The following CBL variants were observed in gnomAD, a reference collection of about 807,000 sequenced individuals.
CBL encodes Cbl proto-oncogene.
In CBL, 45 loss-of-function variants were observed where a neutral mutation model predicts 96.9. The observed-to-expected ratio is 0.46, with a 90% CI of 0.37 to 0.60. The LOEUF (loss-of-function observed/expected upper bound fraction) is 0.60. CBL is among the 20% of genes least tolerant of loss of function. The probability of loss-of-function intolerance (pLI) is 0.00; values close to 1 mark genes in which losing one functional copy is unlikely to be tolerated. For synonymous variants in CBL, 420 were observed against 426.8 expected (o/e 0.98, Z 0.20); for missense variants, 1,024 against 1,143.5 (o/e 0.90, Z 1.51).
chr11:119,266,287 G>A (rs769094562), intron 2 of CBL, among the ~76,000 whole-genome samples: 1 of 152,014 alleles, frequency 6.6e-6, no homozygotes, highest in Non-Finnish European at 1.5e-5. Context: ...ATTCTATATA[G>A]TAGTGACTGT....
intron 2 of CBL, among the ~76,000 whole-genome samples, chr11:119,263,496 A>C (rs1208022955): frequency 6.6e-6 from 1 of 152,214 alleles, no homozygotes; most frequent in African/African-American, 2.4e-5. Flanking sequence ...CTGGATGATT[A>C]GTAGGAATCT....
chr11:119,300,341 A>AGT lies in CBL; in HGVS notation c.*560_*561insGT. ...TCAACACTCCCCTTTGGCTTATATT[A>AGT]CCATGTGCATAGCTAAAGTCTTCTA... On this transcript the variant is annotated 3_prime_UTR_variant, in exon 16 of 16. Coordinates refer to ENST00000264033, the MANE Select transcript of CBL (RefSeq NM_005188.4). 2.4e-6 allele frequency: 1 copy of AGT among 409,884 alleles called. No individual in the cohort carries two copies. The highest frequency in any genetic ancestry group is 4.3e-6 in the Non-Finnish European group (1 of 232,216). 25.4% of individuals were successfully genotyped at this position (409,884 alleles called of 1,614,324 possible).
At chr11:119,237,391 C>T (rs919041028) in intron 2 of CBL, among the ~76,000 whole-genome samples, 2 of 152,130 alleles carry the variant, frequency 1.3e-5, no homozygotes, top group African/African-American at 4.8e-5. Flanking sequence ...AACAGTATGC[C>T]TTGAATCACA....
intron 12 of CBL, among the ~76,000 whole-genome samples, chr11:119,293,137 C>T (rs1591267965): frequency 6.6e-6 from 1 of 151,506 alleles, no homozygotes; most frequent in Non-Finnish European, 1.5e-5. Context: ...CAGAGTCTCA[C>T]TCTGTCGCCC....
At position 119,277,819 on chromosome 11, in the gene CBL, C is replaced by G; in HGVS notation, c.1070C>G (p.Pro357Arg). 1 of 1,613,582 alleles carries G rather than the reference C, an allele frequency of 6.2e-7. No individual in the cohort carries two copies. The highest frequency in any genetic ancestry group is 8.5e-7 in the Non-Finnish European group (1 of 1,179,548). ...CTGACTGGCTTATGTGAACCAACTC[C>G]CCAAGACCATATCAAAGTGACCCAG... ...PDLTGLCEPT[P>R]QDHIKVTQEQ... is the part of the protein sequence containing the mutation. The change falls in exon 7 of 16, where the codon CCC becomes CGC. Residue 357 changes from proline to arginine, a missense_variant. By Grantham distance (103) the Pro-to-Arg change is moderately radical. This residue lies in a region of CBL where 695 missense variants were observed against 661.6 expected (regional missense o/e 1.05). Transcript: ENST00000264033.
At chr11:119,260,362 G>T (rs1369508606) in intron 2 of CBL, among the ~76,000 whole-genome samples, 1 of 151,566 alleles carries the variant, frequency 6.6e-6, no homozygotes, top group African/African-American at 2.4e-5. Context: ...TCCTGCCTCA[G>T]CCTCCCGAGT....
At chr11:119,219,525 G>A (rs1949391236) in intron 1 of CBL, among the ~76,000 whole-genome samples, 1 of 152,090 alleles carries the variant, frequency 6.6e-6, no homozygotes, top group African/African-American at 2.4e-5. Flanking sequence ...TCTGATTGGT[G>A]CAATTGGGTT....
intron 1 of CBL, among the ~76,000 whole-genome samples, chr11:119,209,424 CT>C (rs1949299686): frequency 2.0e-5 from 3 of 152,170 alleles, no homozygotes; most frequent in Non-Finnish European, 4.4e-5. Flanking sequence ...TCCAGACCAG[CT>C]CTGCCAACAT....
chr11:119,251,769 A>G (rs957392695), intron 2 of CBL, among the ~76,000 whole-genome samples: 2 of 152,330 alleles, frequency 1.3e-5, no homozygotes, highest in Admixed American at 1.3e-4. Flanking sequence ...ACGGTATTAT[A>G]GAGAAGTAGG....
chr11:119,270,436 ATTTTTTTTTT>A (rs869150071), intron 2 of CBL, among the ~76,000 whole-genome samples: 86 of 38,650 alleles, frequency 2.2e-3, no homozygotes, highest in South Asian at 0.013. Context: ...ATATATATAT[ATTTTTTTTTT>A]TTTTTTTTTT....
chr11:119,258,465 G>A (rs1296356804), intron 2 of CBL, among the ~76,000 whole-genome samples: 2 of 152,078 alleles, frequency 1.3e-5, no homozygotes, highest in African/African-American at 4.8e-5. Flanking sequence ...CAGATCTCCT[G>A]AGAACTCTAT....
At chr11:119,209,807 A>T (rs1437915145) in intron 1 of CBL, among the ~76,000 whole-genome samples, 1 of 152,154 alleles carries the variant, frequency 6.6e-6, no homozygotes, top group Admixed American at 6.6e-5. Context: ...ATATATACAG[A>T]TGGAAAAAGT....
At chr11:119,288,023 C>T in intron 12 of CBL, 77 bp downstream of exon 12, 1 of 939,082 alleles carries the variant, frequency 1.1e-6, no homozygotes, top group Non-Finnish European at 1.7e-6. Context: ...ATTGAGAAAA[C>T]CCAGAAAAGT....
chr11:119,266,064 A>G (rs1346739979), intron 2 of CBL, among the ~76,000 whole-genome samples: 1 of 151,048 alleles, frequency 6.6e-6, no homozygotes, highest in Non-Finnish European at 1.5e-5. Context: ...TTAGCCAGGC[A>G]TAGTGGCCTC....
chr11:119,279,490 C>A (rs1026163495), intron 9 of CBL, among the ~76,000 whole-genome samples: 5 of 123,390 alleles, frequency 4.1e-5, no homozygotes, highest in East Asian at 2.7e-4. Flanking sequence ...CATGCCCCCC[C>A]CTAAAAAAAA....
In CBL at chr11:119,256,590, G is replaced by A. The variant is rs528028555; in HGVS notation, c.444-15145G>A. On this transcript the variant is annotated intron_variant, in intron 2 of 15. Transcript: ENST00000264033. Reference sequence around the variant, plus strand: ...AATTTCAGTAACTTTAGGGATACAGGTGGGTTTTGATTATATGAATGAATT... The same window carrying A: ...AATTTCAGTAACTTTAGGGATACAGATGGGTTTTGATTATATGAATGAATT... Among the ~76,000 whole-genome samples, 7 of 151,876 alleles carry A rather than the reference G, an allele frequency of 4.6e-5. No individual in the cohort carries two copies. The South Asian group carries it at 1.5e-3, about 32-fold the overall frequency.
chr11:119,253,251 A>G (rs938698804), intron 2 of CBL, among the ~76,000 whole-genome samples: 1 of 152,048 alleles, frequency 6.6e-6, no homozygotes, highest in Non-Finnish European at 1.5e-5. Flanking sequence ...TTTTTTAAGT[A>G]TTCTCATAAG....
At position 119,299,549 on chromosome 11, in the gene CBL, G is replaced by T. The variant is rs750959492; in HGVS notation, c.2489G>T (p.Arg830Ile). The T allele has an allele frequency of 1.2e-6, 2 of 1,614,204 alleles. No homozygotes were observed. The highest frequency in any genetic ancestry group is 2.2e-5 in the South Asian group (2 of 91,086). ...PERPPKPFPR[R>I]INSERKAGSC... is the part of the protein sequence containing the mutation. ...AGGCCTCCAAAACCATTCCCGCGGA[G>T]AATCAACTCTGAACGGAAAGCTGGC... Residue 830 changes from arginine to isoleucine, a missense_variant, in exon 16 of 16, where the codon AGA becomes ATA. Physicochemically the swap from Arg to Ile is moderately conservative, Grantham distance 97. Coordinates refer to ENST00000264033, the MANE Select transcript of CBL (RefSeq NM_005188.4).
intron 4 of CBL, among the ~76,000 whole-genome samples, chr11:119,274,340 T>A (rs1170393132): frequency 6.6e-6 from 1 of 152,208 alleles, no homozygotes; most frequent in Non-Finnish European, 1.5e-5. Context: ...TATATTAGTT[T>A]TCTGATATTG....
Sources: gnomAD v4.1 joint callset for allele counts (sites outside exome capture counted in the v4.1 genomes callset) on GRCh38, gnomAD v4.1.1 for gene constraint, gnomAD v4.1.1 regional missense constraint, MANE v1.5 for transcripts, NCBI Gene and HGNC (gene_info 2026-07-23, HGNC 2026-07-21) for gene names.